VAPB: variants seen among roughly 807,000 people sequenced by gnomAD.
VAPB encodes vesicle-associated membrane protein-associated protein B/C.
A neutral mutation model predicts 25.6 loss-of-function variants in VAPB; 7 were observed. That is an observed-to-expected ratio of 0.27 (90% confidence interval 0.16 to 0.51). VAPB has a LOEUF of 0.51. VAPB is among the 20% of genes least tolerant of loss of function. The probability of loss-of-function intolerance (pLI) is 0.97; values close to 1 mark genes in which losing one functional copy is unlikely to be tolerated. For synonymous variants in VAPB, 112 were observed against 109.2 expected (o/e 1.03, Z -0.16); for missense variants, 266 against 301.3 (o/e 0.88, Z 0.87).
At position 58,427,070 on chromosome 20, in the gene VAPB, T is replaced by G. The variant is rs533047700; in HGVS notation, c.212-7532T>G. ...GTTACCATTATGATGCAGACGAAAGTGATCCGTGATCTGTTACCGTTATGA... is the reference window on the plus strand; with the variant it reads ...GTTACCATTATGATGCAGACGAAAGGGATCCGTGATCTGTTACCGTTATGA... On this transcript the variant is annotated intron_variant, in intron 2 of 5. Transcript: ENST00000475243. 4.0e-5 allele frequency among the ~76,000 whole-genome samples: 6 copies of G among 151,614 alleles called. No homozygotes were observed. The South Asian group carries it at 1.2e-3, about 32-fold the overall frequency.
At chr20:58,426,714 A>G (rs551572291) in intron 2 of VAPB, among the ~76,000 whole-genome samples, 63 of 152,324 alleles carry the variant, frequency 4.1e-4, no homozygotes, top group African/African-American at 1.5e-3. Flanking sequence ...GTAGGGTATT[A>G]AGGTACGATT....
intron 3 of VAPB, among the ~76,000 whole-genome samples, chr20:58,437,974 C>T (rs1989084765): frequency 6.6e-6 from 1 of 152,160 alleles, no homozygotes; most frequent in Non-Finnish European, 1.5e-5. Context: ...TGCTGCTATC[C>T]TGGTCTGTAA....
At chr20:58,439,308 G>T in intron 4 of VAPB, 1 of 433,282 alleles carries the variant, frequency 2.3e-6, no homozygotes, top group Non-Finnish European at 4.2e-6. Context: ...GCCTGGCAAA[G>T]GTATAGGTTG....
At position 58,418,270 on chromosome 20, in the gene VAPB, G is replaced by A. The variant is rs1325638209; in HGVS notation, c.118G>A (p.Val40Met). The change falls in exon 2 of 6, where the codon GTG becomes ATG. Residue 40 changes from valine (V) to methionine (M), a missense_variant. Val to Met is a conservative substitution (Grantham distance 21). Around this residue, in one of 3 missense-constraint regions of VAPB, gnomAD observed 98 missense variants for 147.1 expected, o/e 0.67. Coordinates refer to ENST00000475243, the MANE Select transcript of VAPB (RefSeq NM_004738.5). The stretch of plus-strand genomic sequence containing the variant: ...GCTTGGCAACCCGACAGACCGAAAT[G>A]TGTGTTTTAAGGTGAAGACTACAGC... The part of the protein sequence containing the change: ...LKLGNPTDRN[V>M]CFKVKTTAPR... The A allele has an allele frequency of 1.2e-6, 2 of 1,614,160 alleles. No individual in the cohort carries two copies. Among genetic ancestry groups the A allele is most frequent in the South Asian group, 1.1e-5 (1 of 91,078 alleles).
rs773800478 is a variant in VAPB, at chr20:58,440,982, A to C, written c.472A>C (p.Ser158Arg). The C allele has an allele frequency of 2.5e-6, 4 of 1,613,830 alleles. No individual in the cohort carries two copies. The highest frequency in any genetic ancestry group is 1.7e-5 in the Admixed American group (1 of 59,990). ...AACACCAATAGTGTCTAAGTCTCTG[A>C]GTTCTTCTTTGGATGACACCGAAGT... ...TETPIVSKSLSSSLDDTEVKK... is the reference protein window; with the variant it reads ...TETPIVSKSLRSSLDDTEVKK... The change falls in exon 5 of 6, where the codon AGT becomes CGT. Residue 158 changes from serine to arginine, a missense_variant. Transcript: ENST00000475243.
In VAPB at chr20:58,447,656, GTGTGTGCATGTGTGCA is replaced by G. The variant is rs3069390; in HGVS notation, c.*3436_*3451del. ...ATGAATTTGAAAACAGACTCTGTGT[GTGTGTGCATGTGTGCA>G]TGTGTGCATGTGTGGCATATGTGCC... On this transcript the variant is annotated 3_prime_UTR_variant, in exon 6 of 6. Transcript: ENST00000475243. 20 of 451,164 alleles carry G rather than the reference GTGTGTGCATGTGTGCA, an allele frequency of 4.4e-5. No homozygotes were observed. The highest frequency in any genetic ancestry group is 7.8e-5 in the South Asian group (5 of 64,244). The allele number at this position is 451,164 out of a possible 1,614,324, so 27.9% of individuals were successfully genotyped here. A position where few individuals can be genotyped will look rare whatever the true frequency, so the allele number is the denominator to read the frequency against.
At chr20:58,412,029 C>CAGT (rs1988393075) in intron 1 of VAPB, among the ~76,000 whole-genome samples, 1 of 152,170 alleles carries the variant, frequency 6.6e-6, no homozygotes, top group East Asian at 1.9e-4. Flanking sequence ...GTTTGGTTGA[C>CAGT]AGTATTTTAT....
chr20:58,418,408 C>T, intron 2 of VAPB, 45 bp downstream of exon 2: 1 of 1,603,252 alleles, frequency 6.2e-7, no homozygotes, highest in Non-Finnish European at 8.5e-7. Context: ...TCAGAAGGCC[C>T]CTGGACAGTA....
intron 3 of VAPB, 61 bp downstream of exon 3, chr20:58,434,766 T>C (rs1989003458): frequency 4.7e-6 from 4 of 843,970 alleles, no homozygotes; most frequent in East Asian, 2.5e-5. Context: ...CAATTAGATA[T>C]GGAATTGTGG....
rs751619216 is a variant in VAPB at position 58,449,436 on chromosome 20, A to G, written c.*5201A>G. ...AGAGGTTGTCTTCATGAATATAATT[A>G]CTTGAGATTTTTTTTTCTTAATGGA... On this transcript the variant is annotated 3_prime_UTR_variant, in exon 6 of 6. Coordinates refer to ENST00000475243, the MANE Select transcript of VAPB (RefSeq NM_004738.5). 1.1e-5 allele frequency: 5 copies of G among 450,906 alleles called. No individual in the cohort carries two copies. Among genetic ancestry groups the G allele is most frequent in the Non-Finnish European group, 2.2e-5 (5 of 226,060 alleles). 27.9% of individuals were successfully genotyped at this position (450,906 alleles called of 1,614,324 possible).
intron 1 of VAPB, among the ~76,000 whole-genome samples, chr20:58,405,135 G>T (rs940919980): frequency 6.6e-6 from 1 of 152,122 alleles, no homozygotes; most frequent in African/African-American, 2.4e-5. Context: ...AATTAGGGAA[G>T]GTCATTTAAG....
chr20:58,438,197 T>A (rs1600815923), intron 3 of VAPB, among the ~76,000 whole-genome samples: 1 of 152,254 alleles, frequency 6.6e-6, no homozygotes, highest in Middle Eastern at 3.4e-3. Flanking sequence ...GTTGGCAGAG[T>A]GGTTCTGAAA....
Position 58,399,129 on chromosome 20 carries a change from C to T in VAPB, c.58+9612C>T, listed in dbSNP as rs866726826. On this transcript the variant is annotated intron_variant, in intron 1 of 5. Coordinates refer to ENST00000475243, the MANE Select transcript of VAPB (RefSeq NM_004738.5). ...CAGCGTGACCAACATAGTGAAACCC[C>T]ATCTCTACTAAAAATACAAAAGTTA... Among the ~76,000 whole-genome samples, 8 of 151,880 alleles carry T rather than the reference C, an allele frequency of 5.3e-5. No homozygotes were observed. In the Middle Eastern group the frequency reaches 0.017, roughly 323 times the overall value.
chr20:58,390,379 G>GT lies in VAPB; in HGVS notation c.58+878dup, dbSNP rs11475188. 7.2e-3 allele frequency: 957 copies of GT among 133,292 alleles called. 4 individuals carry two copies. The highest frequency in any genetic ancestry group is 0.015 in the African/African-American group (558 of 36,498). The allele number at this position is 133,292 out of a possible 1,614,324, so 8.3% of individuals were successfully genotyped here. On this transcript the variant is annotated intron_variant, in intron 1 of 5. Coordinates refer to ENST00000475243, the MANE Select transcript of VAPB (RefSeq NM_004738.5). ...TTATGTTTTCTATGTTGTTACTTTT[G>GT]TTTTTTTTTTTTTTTTCCTACCTTC... is the stretch of plus-strand genomic sequence containing the variant.
intron 1 of VAPB, among the ~76,000 whole-genome samples, chr20:58,391,593 G>A (rs1345279853): frequency 2.0e-5 from 3 of 152,022 alleles, no homozygotes; most frequent in Non-Finnish European, 4.4e-5. Context: ...GAGTGCAGAG[G>A]CGCCATCTCA....
intron 2 of VAPB, chr20:58,431,662 C>T (rs1261583661): frequency 6.6e-6 from 1 of 152,036 alleles, no homozygotes; most frequent in Non-Finnish European, 1.5e-5. Context: ...CCTCCATCTC[C>T]CAGGCCTAAG....
At chr20:58,413,757 C>G (rs978353370) in intron 1 of VAPB, among the ~76,000 whole-genome samples, 7 of 148,702 alleles carry the variant, frequency 4.7e-5, no homozygotes, top group South Asian at 2.1e-4. Flanking sequence ...CGGGTGGGGC[C>G]GCTGGCCGGG....
At position 58,447,598 on chromosome 20, in the gene VAPB, G is replaced by C; in HGVS notation, c.*3363G>C. 1 of 454,120 alleles carries C rather than the reference G, an allele frequency of 2.2e-6. No homozygotes were observed. Among genetic ancestry groups the C allele is most frequent in the South Asian group, 1.6e-5 (1 of 64,476 alleles). 28.1% of individuals were successfully genotyped at this position (454,120 alleles called of 1,614,324 possible). A position where few individuals can be genotyped will look rare whatever the true frequency, so the allele number is the denominator to read the frequency against. ...TATGTTGAGTCAGATAGAACTGAAT[G>C]TAGTGAGAGCTCAGAGCTACAGAGC... On this transcript the variant is annotated 3_prime_UTR_variant, in exon 6 of 6. Coordinates refer to ENST00000475243, the MANE Select transcript of VAPB (RefSeq NM_004738.5).
At chr20:58,440,809 A>T in intron 4 of VAPB, 98 bp from the exon 5 acceptor site, 1 of 1,098,246 alleles carries the variant, frequency 9.1e-7, no homozygotes, top group Non-Finnish European at 1.3e-6. Context: ...ATGAAATGCT[A>T]CCACGTTTGG....
Sources: gnomAD v4.1 joint callset for allele counts (sites outside exome capture counted in the v4.1 genomes callset) on GRCh38, gnomAD v4.1.1 for gene constraint, gnomAD v4.1.1 regional missense constraint, MANE v1.5 for transcripts, NCBI Gene and HGNC (gene_info 2026-07-23, HGNC 2026-07-21) for gene names.